PTPRA: variants seen among roughly 807,000 people sequenced by gnomAD.
PTPRA encodes the protein protein tyrosine phosphatase receptor type A, also known as receptor-type tyrosine-protein phosphatase alpha.
PTPRA carries 25 observed loss-of-function variants against 104.8 expected under a neutral mutation model. The observed-to-expected ratio is 0.24, with a 90% CI of 0.17 to 0.33. PTPRA has a LOEUF of 0.33. Among genes scored for constraint, PTPRA ranks in the 10% least tolerant of loss-of-function variants. The probability of loss-of-function intolerance (pLI) is 1.00; values close to 1 mark genes in which losing one functional copy is unlikely to be tolerated. For missense variants in PTPRA, 765 were observed against 1,015.3 expected, an observed-to-expected ratio of 0.75 and a Z score of 3.35; for synonymous variants, 323 against 368.9, an observed-to-expected ratio of 0.88 and a Z score of 1.43.
intron 6 of PTPRA, among the ~76,000 whole-genome samples, chr20:2,980,278 T>C (rs192568380): frequency 6.6e-5 from 10 of 151,990 alleles, no homozygotes; most frequent in Admixed American, 5.2e-4. Context: ...TTAAAAAATA[T>C]CAATGTAGGC....
At chr20:2,992,684 A>G (rs2063234074) in intron 9 of PTPRA, among the ~76,000 whole-genome samples, 1 of 43,238 alleles carries the variant, frequency 2.3e-5, no homozygotes, top group African/African-American at 2.1e-4. Context: ...TCCAAATATT[A>G]CGATTCTTCT....
chr20:3,036,524 C>T (rs1250601892), intron 22 of PTPRA, among the ~76,000 whole-genome samples: 1 of 152,224 alleles, frequency 6.6e-6, no homozygotes, highest in East Asian at 1.9e-4. Flanking sequence ...TCCCAGGCAG[C>T]CACAGGGCTT....
At chr20:2,977,002 G>T (rs1357584198) in intron 6 of PTPRA, among the ~76,000 whole-genome samples, 3 of 152,168 alleles carry the variant, frequency 2.0e-5, no homozygotes, top group Admixed American at 2.0e-4. Context: ...TTCCAGCCAG[G>T]TGCAGTGGCT....
At chr20:2,902,958 G>C (rs770956357) in intron 1 of PTPRA, among the ~76,000 whole-genome samples, 9 of 152,048 alleles carry the variant, frequency 5.9e-5, no homozygotes, top group Non-Finnish European at 1.3e-4. Context: ...TCCCATCTCT[G>C]CTACTTTTTG....
At chr20:2,901,828 G>A (rs542221427) in intron 1 of PTPRA, among the ~76,000 whole-genome samples, 2 of 151,770 alleles carry the variant, frequency 1.3e-5, no homozygotes, top group African/African-American at 2.4e-5. Context: ...TATAAATATC[G>A]TCCCCATTTA....
intron 2 of PTPRA, among the ~76,000 whole-genome samples, chr20:2,932,157 T>C (rs1437382422): frequency 6.6e-6 from 1 of 152,172 alleles, no homozygotes; most frequent in African/African-American, 2.4e-5. Context: ...GAGAATAAGT[T>C]GACCATAACA....
At chr20:2,974,253 C>T (rs867069982) in intron 5 of PTPRA, among the ~76,000 whole-genome samples, 7 of 151,850 alleles carry the variant, frequency 4.6e-5, no homozygotes, top group Middle Eastern at 3.4e-3. Context: ...CGCGCCCGGC[C>T]GTCTGTTTGA....
At position 2,964,848 on chromosome 20, in the gene PTPRA, T is replaced by G; in HGVS notation, c.74-13T>G. On this transcript the variant is annotated splice_polypyrimidine_tract_variant and intron_variant, in intron 4 of 23. Coordinates refer to ENST00000399903, the MANE Select transcript of PTPRA (RefSeq NM_001385305.1). ...TCTTCATGTGCTATTTCCTTGTTTT[T>G]TGGTGTTTGTAGTTGCACCTTCTGT... 6.3e-7 allele frequency: 1 copy of G among 1,591,996 alleles called. No individual in the cohort carries two copies. The highest frequency in any genetic ancestry group is 8.6e-7 in the Non-Finnish European group (1 of 1,161,666).
chr20:3,029,235 G>C (rs1241775391), intron 20 of PTPRA, among the ~76,000 whole-genome samples: 1 of 151,096 alleles, frequency 6.6e-6, no homozygotes, highest in Non-Finnish European at 1.5e-5. Context: ...CAACCTCCCA[G>C]GTTCAAGTGA....
intron 1 of PTPRA, among the ~76,000 whole-genome samples, chr20:2,915,923 G>T (rs901522333): frequency 1.3e-5 from 2 of 152,192 alleles, no homozygotes; most frequent in Admixed American, 1.3e-4. Context: ...GCAGTGAGCC[G>T]AGATTGCATC....
At chr20:2,893,751 T>A (rs867967556) in intron 1 of PTPRA, among the ~76,000 whole-genome samples, 83 of 152,292 alleles carry the variant, frequency 5.5e-4, no homozygotes, top group African/African-American at 1.9e-3. Flanking sequence ...GCACATGACC[T>A]TCTAACCCAG....
chr20:3,012,814 A>T (rs573291264), intron 11 of PTPRA, among the ~76,000 whole-genome samples: 9 of 152,208 alleles, frequency 5.9e-5, no homozygotes, highest in Admixed American at 1.3e-4. Flanking sequence ...ATTGAGGTAT[A>T]ATATATATAA....
At position 2,970,291 on chromosome 20, in the gene PTPRA, A is replaced by G. The variant is rs185943620; in HGVS notation, c.416-4924A>G. The stretch of plus-strand genomic sequence containing the variant: ...TAAGTCTGCATTTATAAATTTATGG[A>G]TATTGCCACATTTACCTCTGCTAGG... On this transcript the variant is annotated intron_variant, in intron 5 of 23. Coordinates refer to ENST00000399903, the MANE Select transcript of PTPRA (RefSeq NM_001385305.1). Among the ~76,000 whole-genome samples, 22 of 152,310 alleles carry G rather than the reference A, an allele frequency of 1.4e-4. No individual in the cohort carries two copies. In the East Asian group the frequency reaches 4.0e-3, roughly 28 times the overall value.
rs1467500975 is a variant in PTPRA, at chr20:3,022,132, C to A, written c.1240C>A (p.Pro414Thr). The change falls in exon 15 of 24, where the codon CCT becomes ACT. Residue 414 changes from proline to threonine, a missense_variant. By Grantham distance (38) the Pro-to-Thr change is conservative (BLOSUM62 -1). Coordinates refer to ENST00000399903, the MANE Select transcript of PTPRA (RefSeq NM_001385305.1). This position sits in a 1 kb window ranked among gnomAD's most constrained non-coding sequence, Gnocchi z 4.6. ...TACCAGCTGGCCAGACTTTGGGGTG[C>A]CTTTTACCCCGATCGGCATGCTCAA... is the stretch of plus-strand genomic sequence containing the variant. ...HFTSWPDFGV[P>T]FTPIGMLKFL... 5.0e-6 allele frequency: 8 copies of A among 1,614,230 alleles called. No homozygotes were observed. The highest frequency in any genetic ancestry group is 5.9e-6 in the Non-Finnish European group (7 of 1,180,030).
intron 1 of PTPRA, among the ~76,000 whole-genome samples, chr20:2,921,468 A>G (rs2060095167): frequency 6.6e-6 from 1 of 151,886 alleles, no homozygotes; most frequent in African/African-American, 2.4e-5. Context: ...TCTTACTTTA[A>G]TATTTTCTTT....
chr20:3,027,556 C>A, intron 19 of PTPRA, 151 bp from the exon 20 acceptor site: 1 of 1,032,216 alleles, frequency 9.7e-7, no homozygotes, highest in Non-Finnish European at 1.4e-6. Flanking sequence ...ACCAGCTTGT[C>A]AGATAGGGTT....
intron 11 of PTPRA, among the ~76,000 whole-genome samples, chr20:3,010,439 T>C (rs1031471263): frequency 6.6e-6 from 1 of 151,622 alleles, no homozygotes; most frequent in Non-Finnish European, 1.5e-5. Flanking sequence ...CCATCCTGGC[T>C]AACACGGTGA....
At chr20:2,867,411 A>G in the PTPRA span, among the ~76,000 whole-genome samples, 1 of 152,166 alleles carries the variant, frequency 6.6e-6, no homozygotes. Context: ...AAAAAGAACC[A>G]TGAACACCAG....
At chr20:3,019,101 C>T (rs2064671147) in intron 13 of PTPRA, among the ~76,000 whole-genome samples, 2 of 141,270 alleles carry the variant, frequency 1.4e-5, no homozygotes, top group Non-Finnish European at 3.1e-5. Context: ...GTAGGGGCGG[C>T]CGGGCAGAGG....
Sources: gnomAD v4.1 joint callset for allele counts (sites outside exome capture counted in the v4.1 genomes callset) on GRCh38, gnomAD v4.1.1 for gene constraint, Gnocchi (gnomAD v3.1) non-coding constraint, MANE v1.5 for transcripts, NCBI Gene and HGNC (gene_info 2026-07-23, HGNC 2026-07-21) for gene names.